TRRAP: variants seen among roughly 807,000 people sequenced by gnomAD.
The protein encoded by TRRAP is transformation/transcription domain associated protein.
A neutral mutation model predicts 438.8 loss-of-function variants in TRRAP; 41 were observed. The ratio of observed to expected loss-of-function variants is 0.09; its 90% CI spans 0.07 to 0.12. The LOEUF (loss-of-function observed/expected upper bound fraction) is 0.12, where lower values mean the gene tolerates loss of function less well. Ranked by LOEUF, TRRAP falls within the 10% of genes least tolerant of loss-of-function variation. The probability of loss-of-function intolerance (pLI) is 1.00; values close to 1 mark genes in which losing one functional copy is unlikely to be tolerated. For synonymous variants in TRRAP, 1,994 were observed against 1,962.9 expected (o/e 1.02, Z -0.42); for missense variants, 3,122 against 5,055.1 (o/e 0.62, Z 11.60).
At chr7:98,961,030 C>T (rs898735306) in intron 45 of TRRAP, among the ~76,000 whole-genome samples, 2 of 151,898 alleles carry the variant, frequency 1.3e-5, no homozygotes, top group Admixed American at 6.6e-5. Context: ...TGTTTATTAT[C>T]GAATATTAAT....
At chr7:98,929,383 A>C (rs541257557) in intron 23 of TRRAP, among the ~76,000 whole-genome samples, 10 of 152,320 alleles carry the variant, frequency 6.6e-5, no homozygotes, top group Admixed American at 1.3e-4. Flanking sequence ...AAAGATTATG[A>C]AAGTGGCAAA....
rs150252263 is a variant in TRRAP at position 98,976,609 on chromosome 7, C to A, written c.8086C>A (p.Arg2696=). The change falls in exon 55 of 73, where the codon CGA becomes AGA. Residue 2696 remains arginine (R), a synonymous_variant. Transcript: ENST00000456197. The surrounding 1 kb of genome is among the most constrained non-coding windows in gnomAD (Gnocchi z 4.6). ...MSQCVPPIPI[R]PCVLKYLGKT... ...CCAGTGCGTGCCGCCAATCCCCATC[C>A]GACCCTGCGTCCTGAAGTACCTGGG... 6.2e-7 allele frequency: 1 copy of A among 1,614,210 alleles called. No individual in the cohort carries two copies. The highest frequency in any genetic ancestry group is 1.3e-5 in the African/African-American group (1 of 75,042).
At chr7:98,916,672 C>G (rs1307765945) in intron 19 of TRRAP, among the ~76,000 whole-genome samples, 2 of 152,182 alleles carry the variant, frequency 1.3e-5, no homozygotes, top group Non-Finnish European at 2.9e-5. Flanking sequence ...CCTGCTGGAG[C>G]CCCTGTTCAC....
intron 22 of TRRAP, 127 bp downstream of exon 22, chr7:98,925,390 C>G: frequency 7.7e-7 from 1 of 1,297,476 alleles, no homozygotes; most frequent in Non-Finnish European, 1.1e-6. Context: ...GCCATATTAT[C>G]TACCTACTCC....
intron 46 of TRRAP, among the ~76,000 whole-genome samples, chr7:98,961,783 G>A (rs1264569168): frequency 6.6e-6 from 1 of 152,140 alleles, no homozygotes; most frequent in Non-Finnish European, 1.5e-5. Flanking sequence ...GCTGGGTGTG[G>A]TGGCACGCAC....
chr7:98,985,182 T>C, intron 62 of TRRAP, 138 bp downstream of exon 62: 1 of 590,642 alleles, frequency 1.7e-6, no homozygotes, highest in African/African-American at 1.9e-5. Flanking sequence ...ATTTTTTAGG[T>C]ACTGCACCTC....
chr7:98,950,304 G>A (rs1554417943), intron 38 of TRRAP, 42 bp downstream of exon 38: 1 of 1,601,146 alleles, frequency 6.2e-7, no homozygotes, highest in Non-Finnish European at 8.5e-7. Flanking sequence ...TGGGTATTTG[G>A]TCTGGTTTTC....
At chr7:98,942,533 T>C (rs1263494350) in intron 30 of TRRAP, among the ~76,000 whole-genome samples, 1 of 152,252 alleles carries the variant, frequency 6.6e-6, no homozygotes, top group African/African-American at 2.4e-5. Flanking sequence ...GGCACCTTTA[T>C]GTTTACCTTT....
rs1584349098 is a variant in TRRAP at position 98,949,480 on chromosome 7, T to C, written c.4852T>C (p.Phe1618Leu). 1.2e-6 allele frequency: 2 copies of C among 1,610,568 alleles called. No individual in the cohort carries two copies. Among genetic ancestry groups the C allele is most frequent in the Non-Finnish European group, 1.7e-6 (2 of 1,178,718 alleles). Residue 1618 changes from phenylalanine to leucine, a missense_variant, in exon 36 of 73, where the codon TTC becomes CTC. By Grantham distance (22) the Phe-to-Leu change is conservative. This residue lies in a region of TRRAP where 272 missense variants were observed against 348.5 expected (regional missense o/e 0.78). Coordinates refer to ENST00000456197, the MANE Select transcript of TRRAP (RefSeq NM_001375524.1). ...RDVLAANPNR[F>L]ITLLLPGGAQ... ...TGTGCTGGCTGCCAACCCCAACAGG[T>C]TCATCACCCTGCTGCTGCCGGGGGG...
At chr7:98,893,561 TCCACAAAGG>T (rs1796068758) in intron 5 of TRRAP, among the ~76,000 whole-genome samples, 2 of 152,210 alleles carry the variant, frequency 1.3e-5, no homozygotes, top group Non-Finnish European at 2.9e-5. Context: ...GGTGCCACTT[TCCACAAAGG>T]CCAGTGAAGC....
At chr7:98,945,837 C>A (rs560914540) in intron 32 of TRRAP, 37 bp downstream of exon 32, 3 of 1,587,480 alleles carry the variant, frequency 1.9e-6, no homozygotes, top group Non-Finnish European at 2.5e-6. Flanking sequence ...TTCTGACTTG[C>A]AATGTGAAGA....
chr7:98,915,055 G>T (rs1270763564), intron 18 of TRRAP, among the ~76,000 whole-genome samples: 1 of 151,754 alleles, frequency 6.6e-6, no homozygotes, highest in Non-Finnish European at 1.5e-5. Flanking sequence ...TAGTAGAGTG[G>T]TTTTTTTAAA....
chr7:98,995,943 C>G (rs1793636238), intron 67 of TRRAP, among the ~76,000 whole-genome samples: 1 of 149,010 alleles, frequency 6.7e-6, no homozygotes, highest in Non-Finnish European at 1.5e-5. Flanking sequence ...CGTCCTCACA[C>G]TCCCGTCCCA....
At chr7:98,990,391 A>G in intron 63 of TRRAP, 64 bp from the exon 64 acceptor site, 4 of 1,580,168 alleles carry the variant, frequency 2.5e-6, no homozygotes, top group Admixed American at 3.4e-5. Flanking sequence ...TGTTGGGGAA[A>G]AAGTCTCTTG....
chr7:99,005,418 G>T lies in TRRAP; in HGVS notation c.10753+70G>T, dbSNP rs1375696022. 2.7e-6 allele frequency: 4 copies of T among 1,458,922 alleles called. No individual in the cohort carries two copies. The African/African-American group carries it at 5.6e-5, about 20-fold the overall frequency. The allele number at this position is 1,458,922 out of a possible 1,614,324, so 90.4% of individuals were successfully genotyped here. The stretch of plus-strand genomic sequence containing the variant: ...CAGGTGGGGATGAGAGCCACACCTC[G>T]TGGGGTGCACAGGCAGCTCACGTTA... On this transcript the variant is annotated intron_variant, in intron 69 of 72. Transcript: ENST00000456197. This position sits in a 1 kb window ranked among gnomAD's most constrained non-coding sequence, Gnocchi z 5.1.
In TRRAP at chr7:98,967,575, A is replaced by T. The variant is rs1394261340; in HGVS notation, c.7389A>T (p.Ala2463=). The change falls in exon 51 of 73, where the codon GCA becomes GCT. Residue 2463 remains alanine (A), a synonymous_variant. Coordinates refer to ENST00000456197, the MANE Select transcript of TRRAP (RefSeq NM_001375524.1). ...GLRCAQPLIR[A]KFFEVFDNSM... ...GCTGTGCCCAGCCACTCATCAGGGC[A>T]AAGTTTTTCGAGGTTTTTGACAACT... The T allele has an allele frequency of 6.2e-7, 1 of 1,613,988 alleles. No homozygotes were observed. Among genetic ancestry groups the T allele is most frequent in the African/African-American group, 1.3e-5 (1 of 74,914 alleles).
In TRRAP at chr7:98,924,582, G is replaced by A. The variant is rs1403756575; in HGVS notation, c.2824-530G>A. 3.3e-5 allele frequency among the ~76,000 whole-genome samples: 5 copies of A among 151,562 alleles called. No homozygotes were observed. In the East Asian group the frequency reaches 5.8e-4, roughly 18 times the overall value. Reference sequence around the variant, plus strand: ...CTGGCACCTGTGGTCCCAGCTACTCGGGAGGCTGAGGCAGGAGAATGGCGT... The same window carrying A: ...CTGGCACCTGTGGTCCCAGCTACTCAGGAGGCTGAGGCAGGAGAATGGCGT... On this transcript the variant is annotated intron_variant, in intron 21 of 72. Transcript: ENST00000456197.
intron 47 of TRRAP, 64 bp from the exon 48 acceptor site, chr7:98,964,565 C>G (rs938883344): frequency 7.1e-5 from 111 of 1,573,444 alleles, no homozygotes; most frequent in South Asian, 4.4e-4. Context: ...TAATGTGTTG[C>G]TTTCACTCTG....
chr7:98,918,215 G>A (rs1554409844), intron 20 of TRRAP, among the ~76,000 whole-genome samples: 2 of 146,588 alleles, frequency 1.4e-5, no homozygotes, highest in Non-Finnish European at 3.0e-5. Context: ...GAGCCTTCAC[G>A]AGGGTTATAT....
Sources: allele counts gnomAD v4.1 joint callset (sites outside exome capture counted in the v4.1 genomes callset), GRCh38; gene constraint gnomAD v4.1.1; regional missense constraint gnomAD v4.1.1; non-coding constraint Gnocchi (gnomAD v3.1); transcripts MANE v1.5; gene names NCBI Gene and HGNC (gene_info 2026-07-23, HGNC 2026-07-21).